BTG4: variants seen among roughly 807,000 people sequenced by gnomAD.
The protein encoded by BTG4 is BTG anti-proliferation factor 4.
Under a neutral mutation model 19.3 loss-of-function variants are expected in BTG4, and 10 were observed. The ratio of observed to expected loss-of-function variants is 0.52; its 90% CI spans 0.32 to 0.88. BTG4 has a LOEUF of 0.88. Among genes scored for constraint, BTG4 ranks in the 40% least tolerant of loss-of-function variants. The probability of loss-of-function intolerance (pLI) is 0.04; values close to 1 mark genes in which losing one functional copy is unlikely to be tolerated. For synonymous variants in BTG4, 91 were observed against 95.7 expected, an observed-to-expected ratio of 0.95 and a Z score of 0.29; for missense variants, 238 against 281.9, an observed-to-expected ratio of 0.84 and a Z score of 1.11.
chr11:111,400,607 A>G, the BTG4 span, among the ~76,000 whole-genome samples: 1 of 152,262 alleles, frequency 6.6e-6, no homozygotes, highest in African/African-American at 2.4e-5. Context: ...GGAAAACTCA[A>G]GAAGAAAGAA....
chr11:111,484,227 T>A lies in BTG4; in HGVS notation c.662+10936A>T, dbSNP rs374012356. ...CTTACAAGAAATCTAAAGAAAGCTA[T>A]TCAATCTGAAAAAAAGGGATGTTAA... On this transcript the variant is annotated intron_variant, in intron 5 of 5. Coordinates refer to the BTG4 transcript ENST00000356018. Among the ~76,000 whole-genome samples the A allele has an allele frequency of 1.4e-4, 22 of 152,228 alleles. No homozygotes were observed. The South Asian group carries it at 4.6e-3, about 32-fold the overall frequency.
the BTG4 span, among the ~76,000 whole-genome samples, chr11:111,432,486 A>C: frequency 6.6e-6 from 1 of 152,154 alleles, no homozygotes; most frequent in Non-Finnish European, 1.5e-5. Context: ...TCTACTAAAA[A>C]TACAAAAGTT....
intron 5 of BTG4, among the ~76,000 whole-genome samples, chr11:111,475,863 G>T (rs1864366945): frequency 1.3e-5 from 2 of 152,114 alleles, no homozygotes; most frequent in South Asian, 4.1e-4. Flanking sequence ...AACCATGGCT[G>T]AAGGCAAATG....
the BTG4 span, among the ~76,000 whole-genome samples, chr11:111,401,637 C>CA: frequency 6.6e-5 from 10 of 151,860 alleles, no homozygotes; most frequent in African/African-American, 1.7e-4. Flanking sequence ...GTCATTCATG[C>CA]AAAAAAAATT....
At chr11:111,455,212 C>T in the BTG4 span, 4 of 375,842 alleles carry the variant, frequency 1.1e-5, no homozygotes, top group Non-Finnish European at 2.2e-5. Context: ...GGCCCTAAAG[C>T]TCTTACCTAC....
the BTG4 span, chr11:111,449,470 TGGAATGACCACTGTGCCCACGA>T: frequency 6.6e-6 from 1 of 152,132 alleles, no homozygotes; most frequent in Non-Finnish European, 1.5e-5. Context: ...CAAGGCTCAG[TGGAATGACCACTGTGCCCACGA>T]GGTAGGAGAA....
At chr11:111,394,399 CGTGAATAA>C in the BTG4 span, among the ~76,000 whole-genome samples, 1 of 152,204 alleles carries the variant, frequency 6.6e-6, no homozygotes, top group South Asian at 2.1e-4. Flanking sequence ...TTCTTGTGGC[CGTGAATAA>C]GTCTCACAAG....
At chr11:111,481,958 A>G (rs1279308499) in intron 5 of BTG4, among the ~76,000 whole-genome samples, 2 of 151,958 alleles carry the variant, frequency 1.3e-5, no homozygotes, top group Non-Finnish European at 2.9e-5. Context: ...CATAGAGCCA[A>G]AAGTTACACC....
At chr11:111,439,511 A>C in the BTG4 span, among the ~76,000 whole-genome samples, 1 of 151,444 alleles carries the variant, frequency 6.6e-6, no homozygotes, top group Non-Finnish European at 1.5e-5. Flanking sequence ...GGTGCCCCCC[A>C]CCGCCCTCTA....
At chr11:111,496,256 A>T (rs1386054860) in intron 4 of BTG4, among the ~76,000 whole-genome samples, 1 of 152,238 alleles carries the variant, frequency 6.6e-6, no homozygotes, top group Non-Finnish European at 1.5e-5. Flanking sequence ...AAAAAATGGC[A>T]AAGTTGGCAC....
chr11:111,437,184 T>C, the BTG4 span, among the ~76,000 whole-genome samples: 3 of 151,858 alleles, frequency 2.0e-5, no homozygotes, highest in Non-Finnish European at 2.9e-5. Flanking sequence ...GGACACGGTG[T>C]TCCAAAGAGC....
the BTG4 span, chr11:111,453,727 G>A: frequency 2.8e-6 from 1 of 358,546 alleles, no homozygotes; most frequent in South Asian, 2.1e-5. Flanking sequence ...TCTTTTCTGA[G>A]TGGTACTGTA....
chr11:111,445,748 C>G, the BTG4 span, among the ~76,000 whole-genome samples: 7 of 152,202 alleles, frequency 4.6e-5, no homozygotes, highest in Non-Finnish European at 1.0e-4. Context: ...AGTGACCTGA[C>G]CTTGTGGGAA....
chr11:111,483,016 A>T (rs1864835316), intron 5 of BTG4, among the ~76,000 whole-genome samples: 1 of 152,114 alleles, frequency 6.6e-6, no homozygotes, highest in Non-Finnish European at 1.5e-5. Context: ...AGATGGCCTA[A>T]TAGAACCCTC....
At chr11:111,444,647 T>C in the BTG4 span, among the ~76,000 whole-genome samples, 14 of 152,156 alleles carry the variant, frequency 9.2e-5, no homozygotes, top group Non-Finnish European at 2.1e-4. Flanking sequence ...TTTTGACACA[T>C]GAGATGTTTT....
At chr11:111,513,515 T>G (rs1867099590), upstream of BTG4, 1 of 527,970 alleles carries the variant, frequency 1.9e-6, no homozygotes, top group Non-Finnish European at 3.9e-6. Context: ...GTAAAAAGAT[T>G]TGGGAATTCG....
At chr11:111,414,162 A>T in the BTG4 span, 2 of 152,176 alleles carry the variant, frequency 1.3e-5, no homozygotes, top group Admixed American at 1.3e-4. Flanking sequence ...TTTATTGGTG[A>T]TTGGTTTAAT....
chr11:111,460,550 G>C, the BTG4 span, among the ~76,000 whole-genome samples: 1 of 152,022 alleles, frequency 6.6e-6, no homozygotes, highest in Non-Finnish European at 1.5e-5. Context: ...AGGGTGTTAA[G>C]AAAGCTCAGG....
At chr11:111,445,327 T>A in the BTG4 span, among the ~76,000 whole-genome samples, 5 of 152,182 alleles carry the variant, frequency 3.3e-5, no homozygotes, top group African/African-American at 1.2e-4. Flanking sequence ...TGGCATTACC[T>A]CCTTGAGGCT....
Sources: allele counts gnomAD v4.1 joint callset (sites outside exome capture counted in the v4.1 genomes callset), GRCh38; gene constraint gnomAD v4.1.1; transcripts MANE v1.5; gene names NCBI Gene and HGNC (gene_info 2026-07-23, HGNC 2026-07-21).